LAMA5: variants seen among roughly 807,000 people sequenced by gnomAD.
LAMA5 encodes laminin subunit alpha-5.
A neutral mutation model predicts 433.4 loss-of-function variants in LAMA5; 260 were observed. The observed-to-expected ratio is 0.60, with a 90% CI of 0.54 to 0.66. The LOEUF is 0.66. LAMA5 is among the 30% of genes least tolerant of loss of function. LAMA5 has a pLI of 0.00. For synonymous variants in LAMA5, 2,620 were observed against 2,226.6 expected, an observed-to-expected ratio of 1.18 and a Z score of -4.97; for missense variants, 5,378 against 5,258.5, an observed-to-expected ratio of 1.02 and a Z score of -0.70.
At chr20:62,334,758 C>CTCAGGGCGAGGGCGAGGGT (rs56242777) in intron 20 of LAMA5, 137 bp from the exon 21 acceptor site, 2 of 519,438 alleles carry the variant, frequency 3.9e-6, no homozygotes, top group Non-Finnish European at 6.4e-6. Context: ...GGGCTCAGGG[C>CTCAGGGCGAGGGCGAGGGT]GAGGGCGAGG....
In LAMA5 at chr20:62,313,253, G is replaced by T. The variant is rs1601282033; in HGVS notation, c.8793-3C>A. ...ACGGGTCCCCGGTCGACTTGGAGCTGCAGGTCGGAGATTCTGGGGTCAGCG... is the reference window on the plus strand; with the variant it reads ...ACGGGTCCCCGGTCGACTTGGAGCTTCAGGTCGGAGATTCTGGGGTCAGCG... On this transcript the variant is annotated splice_region_variant and splice_polypyrimidine_tract_variant and intron_variant, in intron 64 of 79. Coordinates refer to ENST00000252999, the MANE Select transcript of LAMA5 (RefSeq NM_005560.6). 1.3e-6 allele frequency: 2 copies of T among 1,540,140 alleles called. No homozygotes were observed. The highest frequency in any genetic ancestry group is 1.7e-6 in the Non-Finnish European group (2 of 1,144,980).
chr20:62,347,674 A>C lies in LAMA5; in HGVS notation c.957-646T>G, dbSNP rs151241638. 3.9e-4 allele frequency among the ~76,000 whole-genome samples: 60 copies of C among 152,266 alleles called. 3 individuals carry two copies. The South Asian group carries it at 7.9e-3, about 20-fold the overall frequency. On this transcript the variant is annotated intron_variant, in intron 6 of 79. Transcript: ENST00000252999. Reference sequence around the variant, plus strand: ...TGGGCAGGGTGACAGCTGGAGAGAGACAAGGCCTGAGGTTGGAAGCACCTA... The same window carrying C: ...TGGGCAGGGTGACAGCTGGAGAGAGCCAAGGCCTGAGGTTGGAAGCACCTA...
At position 62,309,250 on chromosome 20, in the gene LAMA5, G is replaced by T; in HGVS notation, c.*86C>A. The T allele has an allele frequency of 7.4e-7, 1 of 1,344,556 alleles. No homozygotes were observed. Among genetic ancestry groups the T allele is most frequent in the Non-Finnish European group, 1.0e-6 (1 of 987,770 alleles). The allele number at this position is 1,344,556 out of a possible 1,614,324, so 83.3% of individuals were successfully genotyped here. ...AGATCTGTCACCCGTAGAGCTTAGA[G>T]TCCAAATAGACACCTATGAGGCGAG... is the stretch of plus-strand genomic sequence containing the variant. On this transcript the variant is annotated 3_prime_UTR_variant, in exon 80 of 80. Transcript: ENST00000252999.
At position 62,319,699 on chromosome 20, in the gene LAMA5, C is replaced by T. The variant is rs914650086; in HGVS notation, c.6856G>A (p.Asp2286Asn). Residue 2286 changes from aspartate to asparagine, a missense_variant, in exon 51 of 80, where the codon GAC (aspartate) becomes AAC (asparagine). Transcript: ENST00000252999. The stretch of plus-strand genomic sequence containing the variant: ...TGGCCCCTACCGCTCAGGGTGCGGT[C>T]CACAGCCCGGATGGCCGCCAACAGC... ...KTLLAAIRAV[D>N]RTLSELMSQT... The T allele has an allele frequency of 2.6e-6, 4 of 1,543,968 alleles. No individual in the cohort carries two copies. In the African/African-American group the frequency reaches 4.1e-5, roughly 16 times the overall value.
chr20:62,337,337 C>T (rs890763332), intron 16 of LAMA5, among the ~76,000 whole-genome samples: 2 of 152,240 alleles, frequency 1.3e-5, no homozygotes, highest in Non-Finnish European at 2.9e-5. Flanking sequence ...GACACCCGTA[C>T]ACACACAGAA....
intron 34 of LAMA5, 151 bp from the exon 35 acceptor site, chr20:62,328,596 C>T (rs1979749250): frequency 2.3e-6 from 2 of 857,778 alleles, no homozygotes; most frequent in Non-Finnish European, 3.5e-6. Flanking sequence ...CCTTGGACAG[C>T]TCCTGACATG....
Position 62,312,259 on chromosome 20 carries a change from C to G in LAMA5, c.9418G>C (p.Val3140Leu). The change falls in exon 69 of 80, where the codon GTG becomes CTG. Residue 3140 changes from valine to leucine, a missense_variant. Transcript: ENST00000252999. Reference sequence around the variant, plus strand: ...TAGACGTTGCCAGTGAGCGGTGCCACGTTCGAGAGCGCCAGGCGAAGGAAG... The same window carrying G: ...TAGACGTTGCCAGTGAGCGGTGCCAGGTTCGAGAGCGCCAGGCGAAGGAAG... ...HGFLRLALSN[V>L]APLTGNVYSG... 6.2e-7 allele frequency: 1 copy of G among 1,611,154 alleles called. No homozygotes were observed. Among genetic ancestry groups the G allele is most frequent in the South Asian group, 1.1e-5 (1 of 90,844 alleles).
At chr20:62,320,310 CTG>C (rs372309922) in intron 50 of LAMA5, among the ~76,000 whole-genome samples, 41 of 80,250 alleles carry the variant, frequency 5.1e-4, no homozygotes, top group African/African-American at 2.0e-3. Flanking sequence ...AAGAGCAAAA[CTG>C]TGTCTCAAAA....
chr20:62,320,798 C>A lies in LAMA5; in HGVS notation c.6589G>T (p.Ala2197Ser). The A allele has an allele frequency of 6.2e-7, 1 of 1,612,678 alleles. No homozygotes were observed. The highest frequency in any genetic ancestry group is 8.5e-7 in the Non-Finnish European group (1 of 1,179,908). The change falls in exon 49 of 80, where the codon GCC (alanine) becomes TCC (serine). Residue 2197 changes from alanine (A) to serine (S), a missense_variant. Physicochemically the swap from Ala to Ser is moderately conservative, Grantham distance 99 (BLOSUM62 1). Transcript: ENST00000252999. ...AGACGGGCCCAGGCCATGGAGCTGG[C>A]ATTGATGCCACGCAGTTGCTCGTGA... ...AIHEQLRGINASSMAWARLHR... is the reference protein window; with the variant it reads ...AIHEQLRGINSSSMAWARLHR...
intron 28 of LAMA5, among the ~76,000 whole-genome samples, chr20:62,331,410 C>G (rs1249798005): frequency 6.6e-6 from 1 of 152,018 alleles, no homozygotes; most frequent in Non-Finnish European, 1.5e-5. Flanking sequence ...TCCAAGATGC[C>G]CTTGCTCCTC....
chr20:62,359,919 G>A lies in LAMA5; in HGVS notation c.450+2481C>T, dbSNP rs1051297404. On this transcript the variant is annotated intron_variant, in intron 2 of 79. Transcript: ENST00000252999. The surrounding 1 kb of genome is among the most constrained non-coding windows in gnomAD (Gnocchi z 4.3). ...CCTTCCAGGAGCAGGAAGCCTTCCC[G>A]ATGCCCAGTGCCAGCCGCCCCCACC... Among the ~76,000 whole-genome samples the A allele has an allele frequency of 3.1e-4, 47 of 151,594 alleles. No individual in the cohort carries two copies. Among genetic ancestry groups the A allele is most frequent in the Non-Finnish European group, 5.7e-4 (39 of 67,894 alleles).
chr20:62,347,938 C>T (rs1229811854), intron 6 of LAMA5, among the ~76,000 whole-genome samples: 1 of 152,302 alleles, frequency 6.6e-6, no homozygotes, highest in African/African-American at 2.4e-5. Context: ...GAGGGCCATA[C>T]CCTCAATGAG....
At chr20:62,348,735 A>G (rs2146291942) in intron 6 of LAMA5, among the ~76,000 whole-genome samples, 2 of 152,354 alleles carry the variant, frequency 1.3e-5, no homozygotes, top group South Asian at 4.1e-4. Flanking sequence ...AAACTATAAA[A>G]TTAAAGACTC....
intron 46 of LAMA5, 77 bp from the exon 47 acceptor site, chr20:62,322,526 C>T: frequency 6.8e-7 from 1 of 1,469,872 alleles, no homozygotes; most frequent in Non-Finnish European, 9.2e-7. Flanking sequence ...GGGGTCCTGC[C>T]CATCTGGCCC....
At chr20:62,366,488 C>G (rs1322910534) in intron 1 of LAMA5, among the ~76,000 whole-genome samples, 1 of 152,214 alleles carries the variant, frequency 6.6e-6, no homozygotes, top group Non-Finnish European at 1.5e-5. Context: ...TAGACTCCTC[C>G]GAGAGGGGCT....
intron 1 of LAMA5, among the ~76,000 whole-genome samples, chr20:62,364,037 C>G (rs534533061): frequency 1.4e-3 from 209 of 152,294 alleles, no homozygotes; most frequent in Non-Finnish European, 2.6e-3. Flanking sequence ...TCCCCGGGGT[C>G]CCCCAGAGCT....
chr20:62,309,627 GGGGTGGAGGGGTGGGGGGA>G, intron 79 of LAMA5, 70 bp downstream of exon 79: 2 of 525,374 alleles, frequency 3.8e-6, no homozygotes, highest in Non-Finnish European at 5.9e-6. Flanking sequence ...GAGGGGGCAG[GGGGTGGAGGGGTGGGGGGA>G]GGGTGGTAGG....
At chr20:62,323,911 C>T (rs931320775) in intron 43 of LAMA5, 55 bp from the exon 44 acceptor site, 20 of 1,521,868 alleles carry the variant, frequency 1.3e-5, no homozygotes, top group African/African-American at 4.1e-5. Flanking sequence ...CGGGCCCGGG[C>T]GAGCACACTG....
At position 62,330,600 on chromosome 20, in the gene LAMA5, G is replaced by A. The variant is rs369613830; in HGVS notation, c.3867C>T (p.Phe1289=). 10 of 1,592,556 alleles carry A rather than the reference G, an allele frequency of 6.3e-6. No individual in the cohort carries two copies. Among genetic ancestry groups the A allele is most frequent in the Admixed American group, 1.8e-5 (1 of 55,994 alleles). Residue 1289 remains phenylalanine, a synonymous_variant, in exon 31 of 80, where the codon TTC becomes TTT. Transcript: ENST00000252999. ...GGCCCAGCGTGGGCACATGGGTGGT[G>A]AAGACCACGGTGGCCTGCAGGGATA... is the stretch of plus-strand genomic sequence containing the variant. ...LLREPQATVV[F]TTHVPTLGRY...
Sources: gnomAD v4.1 joint callset for allele counts (sites outside exome capture counted in the v4.1 genomes callset) on GRCh38, gnomAD v4.1.1 for gene constraint, Gnocchi (gnomAD v3.1) non-coding constraint, MANE v1.5 for transcripts, NCBI Gene and HGNC (gene_info 2026-07-23, HGNC 2026-07-21) for gene names.